The following FNDC3B variants were observed in gnomAD, a reference collection of about 807,000 sequenced individuals.
FNDC3B encodes fibronectin type III domain-containing protein 3B.
A neutral mutation model predicts 151.5 loss-of-function variants in FNDC3B; 12 were observed. The observed-to-expected ratio is 0.08, with a 90% CI of 0.05 to 0.13. The LOEUF (loss-of-function observed/expected upper bound fraction) is 0.13, where lower values mean the gene tolerates loss of function less well. Among genes scored for constraint, FNDC3B ranks in the 10% least tolerant of loss-of-function variants. The pLI is 1.00. For synonymous variants in FNDC3B, 528 were observed against 549.0 expected, an observed-to-expected ratio of 0.96 and a Z score of 0.54; for missense variants, 1,214 against 1,505.3, an observed-to-expected ratio of 0.81 and a Z score of 3.20.
intron 20 of FNDC3B, 103 bp from the exon 21 acceptor site, chr3:172,347,109 T>C: frequency 1.0e-6 from 1 of 970,042 alleles, no homozygotes. Context: ...TGAAATATTC[T>C]GGGGCATGTT....
intron 6 of FNDC3B, among the ~76,000 whole-genome samples, chr3:172,276,024 G>T (rs1729415294): frequency 6.6e-6 from 1 of 152,066 alleles, no homozygotes; most frequent in African/African-American, 2.4e-5. Flanking sequence ...ATAGCTTTTG[G>T]GTTATGAGTT....
chr3:172,088,530 G>A (rs908616623), intron 1 of FNDC3B, among the ~76,000 whole-genome samples: 13 of 152,140 alleles, frequency 8.5e-5, no homozygotes, highest in African/African-American at 2.4e-4. Flanking sequence ...CTGTACCTTC[G>A]TAATTATATT....
At chr3:172,092,627 G>A (rs2108512174) in intron 1 of FNDC3B, among the ~76,000 whole-genome samples, 1 of 152,282 alleles carries the variant, frequency 6.6e-6, no homozygotes, top group East Asian at 1.9e-4. Flanking sequence ...AGAGGTTACT[G>A]TGAACCGTAG....
chr3:172,194,144 C>T (rs184634881), intron 3 of FNDC3B, among the ~76,000 whole-genome samples: 208 of 151,942 alleles, frequency 1.4e-3, no homozygotes, highest in Middle Eastern at 3.4e-3. Flanking sequence ...GGCGTGAACC[C>T]GGGGGGCGGA....
At chr3:172,359,640 T>A (rs1486449871) in intron 22 of FNDC3B, among the ~76,000 whole-genome samples, 2 of 152,158 alleles carry the variant, frequency 1.3e-5, no homozygotes, top group Non-Finnish European at 2.9e-5. Context: ...TTAAAAAGAT[T>A]TTTCATTTCC....
At chr3:172,051,929 A>G (rs1166445015) in intron 1 of FNDC3B, among the ~76,000 whole-genome samples, 2 of 152,228 alleles carry the variant, frequency 1.3e-5, no homozygotes, top group East Asian at 3.8e-4. Flanking sequence ...TTTATGTTCC[A>G]TGAAAATATG....
chr3:172,100,968 T>C (rs1486650729), intron 1 of FNDC3B, among the ~76,000 whole-genome samples: 1 of 152,234 alleles, frequency 6.6e-6, no homozygotes, highest in African/African-American at 2.4e-5. Context: ...ATCTTTGAAA[T>C]ATATATTTAA....
intron 9 of FNDC3B, chr3:172,302,890 ATGTG>A (rs1458950975): frequency 6.8e-6 from 1 of 145,994 alleles, no homozygotes; most frequent in East Asian, 2.0e-4. Context: ...GTGTGTGTGC[ATGTG>A]TGTGAGAGTG....
At chr3:172,220,305 G>T (rs1726215367) in intron 3 of FNDC3B, among the ~76,000 whole-genome samples, 1 of 152,014 alleles carries the variant, frequency 6.6e-6, no homozygotes, top group Non-Finnish European at 1.5e-5. Flanking sequence ...TTTGTGTGTT[G>T]GCTATTTACA....
intron 1 of FNDC3B, among the ~76,000 whole-genome samples, chr3:172,081,563 A>T (rs1372448985): frequency 6.6e-6 from 1 of 152,210 alleles, no homozygotes; most frequent in Non-Finnish European, 1.5e-5. Context: ...CTTAAGATTA[A>T]TTCCATACAT....
intron 11 of FNDC3B, among the ~76,000 whole-genome samples, chr3:172,313,336 C>G (rs1194203071): frequency 6.6e-6 from 1 of 152,174 alleles, no homozygotes; most frequent in African/African-American, 2.4e-5. Flanking sequence ...GGGTTCTGTT[C>G]TGAGTTTTAT....
intron 1 of FNDC3B, among the ~76,000 whole-genome samples, chr3:172,058,044 G>A (rs985417352): frequency 1.3e-5 from 2 of 152,126 alleles, no homozygotes; most frequent in Non-Finnish European, 2.9e-5. Flanking sequence ...ATCATGTATG[G>A]ATTTACGTGC....
chr3:172,058,859 T>C (rs1717045490), intron 1 of FNDC3B, among the ~76,000 whole-genome samples: 1 of 152,232 alleles, frequency 6.6e-6, no homozygotes, highest in Admixed American at 6.5e-5. Flanking sequence ...TAGAGCTTCT[T>C]TGTTGCTTCT....
chr3:172,393,804 A>G (rs1187606480), intron 25 of FNDC3B, among the ~76,000 whole-genome samples: 4 of 152,008 alleles, frequency 2.6e-5, no homozygotes, highest in African/African-American at 4.8e-5. Context: ...TGGAAACACA[A>G]CTTATTAAAA....
intron 2 of FNDC3B, among the ~76,000 whole-genome samples, chr3:172,123,162 C>T (rs1234295888): frequency 6.6e-6 from 1 of 152,190 alleles, no homozygotes; most frequent in African/African-American, 2.4e-5. Flanking sequence ...CCTCAGCCTC[C>T]TGAGTAGCTG....
chr3:172,382,055 C>T (rs1735471426), intron 25 of FNDC3B, among the ~76,000 whole-genome samples: 1 of 152,166 alleles, frequency 6.6e-6, no homozygotes, highest in South Asian at 2.1e-4. Context: ...CACTGTCTTC[C>T]ACAATGGTTG....
intron 21 of FNDC3B, among the ~76,000 whole-genome samples, chr3:172,351,723 G>A (rs552001784): frequency 1.3e-5 from 2 of 152,302 alleles, no homozygotes; most frequent in East Asian, 3.9e-4. Flanking sequence ...AGTAATACAG[G>A]ATGTGCTGAT....
At position 172,277,747 on chromosome 3, in the gene FNDC3B, CTGAT is replaced by C. The variant is rs572704790; in HGVS notation, c.791-8176_791-8173del. 1.6e-4 allele frequency among the ~76,000 whole-genome samples: 25 copies of C among 152,306 alleles called. No homozygotes were observed. In the South Asian group the frequency reaches 5.0e-3, roughly 30 times the overall value. On this transcript the variant is annotated intron_variant, in intron 6 of 25. Transcript: ENST00000415807. The stretch of plus-strand genomic sequence containing the variant: ...TACACCCATGATACACCAAGAATAA[CTGAT>C]TGGCTGCATAGCAGCTGCCCCCCTC...
At chr3:172,133,708 A>T (rs192019662) in intron 3 of FNDC3B, 162 bp downstream of exon 3, 2 of 688,724 alleles carry the variant, frequency 2.9e-6, no homozygotes, top group East Asian at 5.3e-5. Flanking sequence ...AATATATATT[A>T]TGATGTTATC....
Sources: allele counts gnomAD v4.1 joint callset (sites outside exome capture counted in the v4.1 genomes callset), GRCh38; gene constraint gnomAD v4.1.1; transcripts MANE v1.5; gene names NCBI Gene and HGNC (gene_info 2026-07-23, HGNC 2026-07-21).